Variants in UBE2G1 observed in about 807,000 individuals in gnomAD.
UBE2G1 encodes ubiquitin conjugating enzyme E2 G1, also known as ubiquitin-conjugating enzyme E2 G1.
A neutral mutation model predicts 22.7 loss-of-function variants in UBE2G1; 5 were observed. The observed-to-expected ratio is 0.22, with a 90% CI of 0.12 to 0.46. The LOEUF (loss-of-function observed/expected upper bound fraction) is 0.46. Among genes scored for constraint, UBE2G1 ranks in the 20% least tolerant of loss-of-function variants. The pLI is 0.99. For synonymous variants in UBE2G1, 74 were observed against 67.5 expected (o/e 1.10, Z -0.47); for missense variants, 88 against 203.9 (o/e 0.43, Z 3.46).
intron 1 of UBE2G1, among the ~76,000 whole-genome samples, chr17:4,333,197 G>A (rs76726033): frequency 0.012 from 1,797 of 152,266 alleles, 37 homozygotes; most frequent in African/African-American, 0.041. Flanking sequence ...ACGCCAGACC[G>A]TAAATTCCAC....
rs537283970 is a variant in UBE2G1, at chr17:4,280,036, A to G, written c.*37+2762T>C. On this transcript the variant is annotated intron_variant, in intron 5 of 5. Transcript: ENST00000396981. ...ACAATATCCAGATTTAGATAGATAGACTTTTTTTTTTTTTTTTGAGATGAA... is the reference window on the plus strand; with the variant it reads ...ACAATATCCAGATTTAGATAGATAGGCTTTTTTTTTTTTTTTTGAGATGAA... Among the ~76,000 whole-genome samples, 212 of 150,020 alleles carry G rather than the reference A, an allele frequency of 1.4e-3. 1 individual carries two copies. The highest frequency in any genetic ancestry group is 3.4e-3 in the Admixed American group (51 of 15,038).
chr17:4,352,388 C>A (rs1320647000), intron 1 of UBE2G1, among the ~76,000 whole-genome samples: 1 of 152,088 alleles, frequency 6.6e-6, no homozygotes, highest in Non-Finnish European at 1.5e-5. Flanking sequence ...AGCCACTGCA[C>A]CAGGCCTAAA....
At chr17:4,293,833 A>G (rs996455358) in intron 3 of UBE2G1, among the ~76,000 whole-genome samples, 1 of 152,216 alleles carries the variant, frequency 6.6e-6, no homozygotes, top group Non-Finnish European at 1.5e-5. Context: ...CAAAGAAACT[A>G]AATTACCCTT....
At chr17:4,362,110 T>C (rs571299657) in intron 1 of UBE2G1, among the ~76,000 whole-genome samples, 14 of 152,334 alleles carry the variant, frequency 9.2e-5, no homozygotes, top group African/African-American at 3.1e-4. Context: ...ATAAAATGTT[T>C]TAAAAGTATC....
At chr17:4,314,072 G>T (rs1270038269) in intron 1 of UBE2G1, among the ~76,000 whole-genome samples, 1 of 152,152 alleles carries the variant, frequency 6.6e-6, no homozygotes, top group African/African-American at 2.4e-5. Flanking sequence ...AATATAAAAT[G>T]ACATTGCTTT....
At chr17:4,304,728 T>C (rs998119408) in intron 2 of UBE2G1, among the ~76,000 whole-genome samples, 1 of 152,128 alleles carries the variant, frequency 6.6e-6, no homozygotes, top group East Asian at 1.9e-4. Context: ...ATCACTTAGG[T>C]CTGGGTACCA....
chr17:4,275,841 C>A (rs1304906631), intron 5 of UBE2G1, among the ~76,000 whole-genome samples: 1 of 152,204 alleles, frequency 6.6e-6, no homozygotes, highest in African/African-American at 2.4e-5. Flanking sequence ...TGTACTCCTG[C>A]TCCGTCACCA....
intron 1 of UBE2G1, among the ~76,000 whole-genome samples, chr17:4,310,924 A>C (rs1468824884): frequency 6.6e-6 from 1 of 152,186 alleles, no homozygotes; most frequent in African/African-American, 2.4e-5. Flanking sequence ...GTCAAAAATG[A>C]CATGAGCTGG....
At chr17:4,291,756 A>G (rs538154617) in intron 3 of UBE2G1, among the ~76,000 whole-genome samples, 7 of 152,346 alleles carry the variant, frequency 4.6e-5, no homozygotes, top group African/African-American at 1.7e-4. Context: ...TTGCCTCCTC[A>G]GGATGAACAT....
At chr17:4,301,974 C>T (rs1261022633) in intron 2 of UBE2G1, 7 of 488,424 alleles carry the variant, frequency 1.4e-5, no homozygotes, top group South Asian at 9.2e-5. Flanking sequence ...CTAATCTGTG[C>T]CTTCCTTGGC....
intron 3 of UBE2G1, among the ~76,000 whole-genome samples, chr17:4,291,957 GT>G (rs1478821203): frequency 3.3e-5 from 5 of 152,020 alleles, no homozygotes; most frequent in African/African-American, 1.2e-4. Flanking sequence ...GTGTTTCTTA[GT>G]TTTCCCCATA....
chr17:4,344,713 G>A (rs893362901), intron 1 of UBE2G1, among the ~76,000 whole-genome samples: 3 of 151,998 alleles, frequency 2.0e-5, no homozygotes, highest in South Asian at 2.1e-4. Flanking sequence ...ACTTAGCTGG[G>A]TGTGGTGGTG....
chr17:4,340,585 A>C (rs1490991311), intron 1 of UBE2G1, among the ~76,000 whole-genome samples: 1 of 152,084 alleles, frequency 6.6e-6, no homozygotes, highest in Non-Finnish European at 1.5e-5. Context: ...TTCGCACTGC[A>C]CTTCTCTCTC....
At chr17:4,346,105 A>G (rs1969767976) in intron 1 of UBE2G1, among the ~76,000 whole-genome samples, 1 of 152,214 alleles carries the variant, frequency 6.6e-6, no homozygotes, top group Admixed American at 6.6e-5. Flanking sequence ...TAACCTTAAA[A>G]TACAGTCTGA....
At position 4,271,631 on chromosome 17, in the gene UBE2G1, C is replaced by T. The variant is rs1053791298; in HGVS notation, c.*923G>A. 3 of 148,828 alleles carry T rather than the reference C, an allele frequency of 2.0e-5. No homozygotes were observed. The highest frequency in any genetic ancestry group is 7.5e-5 in the African/African-American group (3 of 40,022). 9.2% of individuals were successfully genotyped at this position (148,828 alleles called of 1,614,324 possible). A position where few individuals can be genotyped will look rare whatever the true frequency, so the allele number is the denominator to read the frequency against. ...TAAATAGGATTTGTAATAGCAAACC[C>T]AGAAGTTAAGTAGAAAGCCTGTAGC... On this transcript the variant is annotated 3_prime_UTR_variant, in exon 6 of 6. Transcript: ENST00000396981.
chr17:4,359,233 T>C (rs1344714892), intron 1 of UBE2G1, among the ~76,000 whole-genome samples: 1 of 152,182 alleles, frequency 6.6e-6, no homozygotes, highest in Non-Finnish European at 1.5e-5. Flanking sequence ...TTTACAAGAT[T>C]AAAGCAAACA....
At chr17:4,280,768 G>T (rs1043240207) in intron 5 of UBE2G1, among the ~76,000 whole-genome samples, 3 of 151,888 alleles carry the variant, frequency 2.0e-5, no homozygotes, top group Non-Finnish European at 4.4e-5. Flanking sequence ...CTCCTAACTG[G>T]GACAACAGGC....
At chr17:4,348,781 A>G (rs892781798) in intron 1 of UBE2G1, among the ~76,000 whole-genome samples, 4 of 151,584 alleles carry the variant, frequency 2.6e-5, no homozygotes, top group African/African-American at 4.8e-5. Context: ...GAATCACTTG[A>G]ACCTGGGAGG....
chr17:4,356,049 TAAAAAAAAAAAAA>T (rs746982860), intron 1 of UBE2G1, among the ~76,000 whole-genome samples: 1 of 99,098 alleles, frequency 1.0e-5, no homozygotes, highest in African/African-American at 3.8e-5. Context: ...TGTTTCACTT[TAAAAAAAAAAAAA>T]AAAAAAAAAA....
Sources: allele counts gnomAD v4.1 joint callset (sites outside exome capture counted in the v4.1 genomes callset), GRCh38; gene constraint gnomAD v4.1.1; transcripts MANE v1.5; gene names NCBI Gene and HGNC (gene_info 2026-07-23, HGNC 2026-07-21).